Variants in FAT3 observed in about 807,000 individuals in gnomAD.
The protein encoded by FAT3 is FAT atypical cadherin 3, also known as protocadherin Fat 3.
Under a neutral mutation model 310.2 loss-of-function variants are expected in FAT3, and 95 were observed. The observed-to-expected ratio is 0.31, with a 90% CI of 0.26 to 0.36. The LOEUF is 0.36. FAT3 is among the 10% of genes least tolerant of loss of function. FAT3 has a pLI of 1.00. For missense variants in FAT3, 5,408 were observed against 5,715.6 expected, an observed-to-expected ratio of 0.95 and a Z score of 1.74; for synonymous variants, 2,314 against 2,192.9, an observed-to-expected ratio of 1.06 and a Z score of -1.54.
chr11:92,442,098 TATATATATATATA>T (rs1284718355), intron 2 of FAT3, among the ~76,000 whole-genome samples: 9 of 51,778 alleles, frequency 1.7e-4, no homozygotes, highest in African/African-American at 7.3e-4. Flanking sequence ...TATATATATA[TATATATATATATA>T]TTTTTTTTTT....
intron 3 of FAT3, among the ~76,000 whole-genome samples, chr11:92,567,604 C>T (rs1266925643): frequency 6.6e-6 from 1 of 151,708 alleles, no homozygotes; most frequent in African/African-American, 2.4e-5. Flanking sequence ...TATTGCGGCA[C>T]TATTCACAAT....
At chr11:92,530,902 G>GAAAA (rs11464368) in intron 3 of FAT3, among the ~76,000 whole-genome samples, 1 of 147,318 alleles carries the variant, frequency 6.8e-6, no homozygotes, top group Non-Finnish European at 1.5e-5. Flanking sequence ...GGGATTTAAA[G>GAAAA]AAAAAAAAAA....
At chr11:92,869,789 T>C (rs923515519) in intron 22 of FAT3, among the ~76,000 whole-genome samples, 3 of 152,162 alleles carry the variant, frequency 2.0e-5, no homozygotes, top group Non-Finnish European at 4.4e-5. Flanking sequence ...AAAAGAACAA[T>C]AAGACTGAGT....
chr11:92,384,190 A>G (rs1949566642), intron 2 of FAT3, among the ~76,000 whole-genome samples: 2 of 152,236 alleles, frequency 1.3e-5, no homozygotes, highest in African/African-American at 4.8e-5. Context: ...GGAGCAGTGC[A>G]GAGAGGGGCA....
intron 2 of FAT3, among the ~76,000 whole-genome samples, chr11:92,520,365 A>G (rs993901163): frequency 6.6e-6 from 1 of 152,128 alleles, no homozygotes; most frequent in African/African-American, 2.4e-5. Flanking sequence ...TGAAAATGAG[A>G]AAGAGGCTAC....
intron 3 of FAT3, among the ~76,000 whole-genome samples, chr11:92,570,109 C>A (rs746245487): frequency 6.6e-6 from 1 of 152,134 alleles, no homozygotes; most frequent in Non-Finnish European, 1.5e-5. Context: ...TGAGCAATGG[C>A]TGTTGAGTAA....
At chr11:92,344,579 T>C (rs1948359705) in intron 1 of FAT3, among the ~76,000 whole-genome samples, 1 of 152,132 alleles carries the variant, frequency 6.6e-6, no homozygotes, top group South Asian at 2.1e-4. Context: ...TTCCTGACTT[T>C]CATAAGAAAA....
At chr11:92,882,591 C>A (rs939955455) in intron 23 of FAT3, 147 bp from the exon 24 acceptor site, 5 of 551,012 alleles carry the variant, frequency 9.1e-6, no homozygotes, top group South Asian at 6.2e-5. Flanking sequence ...CCCCTCCCCC[C>A]CCCCACCAAC....
At chr11:92,482,986 T>G (rs1299742057) in intron 2 of FAT3, among the ~76,000 whole-genome samples, 3 of 152,166 alleles carry the variant, frequency 2.0e-5, no homozygotes, top group African/African-American at 7.2e-5. Flanking sequence ...GCAAGAAAAA[T>G]TACTGCATGT....
At chr11:92,702,546 C>A (rs919157467) in intron 4 of FAT3, among the ~76,000 whole-genome samples, 1 of 152,170 alleles carries the variant, frequency 6.6e-6, no homozygotes. Context: ...TGCTGGTAAC[C>A]TATTGCTTGC....
intron 13 of FAT3, among the ~76,000 whole-genome samples, chr11:92,825,984 A>G (rs1416129346): frequency 2.0e-5 from 3 of 152,188 alleles, no homozygotes; most frequent in African/African-American, 4.8e-5. Flanking sequence ...CCTCTAAACT[A>G]CTATGTCCAG....
chr11:92,884,521 A>C (rs1949755808), intron 24 of FAT3, among the ~76,000 whole-genome samples: 3 of 152,200 alleles, frequency 2.0e-5, no homozygotes, highest in Non-Finnish European at 4.4e-5. Context: ...GGTAGCCTAG[A>C]AGGCTATGGT....
chr11:92,564,608 C>A (rs1368140305), intron 3 of FAT3, among the ~76,000 whole-genome samples: 1 of 152,100 alleles, frequency 6.6e-6, no homozygotes, highest in South Asian at 2.1e-4. Flanking sequence ...CACACCACAC[C>A]TATTCCAAAA....
chr11:92,727,816 C>CTCCA (rs1254398796), intron 4 of FAT3, among the ~76,000 whole-genome samples: 3 of 152,234 alleles, frequency 2.0e-5, no homozygotes, highest in Admixed American at 6.5e-5. Flanking sequence ...TACCTGCAGG[C>CTCCA]TCCAGTCTTC....
In FAT3 at chr11:92,353,168, T is replaced by G; in HGVS notation, c.1056T>G (p.Ser352=). ...NLTLQAKDKG[S]PQKCSALKAV... is the part of the protein sequence containing the mutation. ...CTCTTCAAGCAAAAGACAAGGGATC[T>G]CCTCAAAAATGTTCAGCATTAAAGG... The change falls in exon 2 of 28, where the codon TCT becomes TCG. Residue 352 remains serine, a synonymous_variant. Coordinates refer to ENST00000525166, the MANE Select transcript of FAT3 (RefSeq NM_001367949.2). 2.5e-6 allele frequency: 4 copies of G among 1,613,644 alleles called. No homozygotes were observed. The highest frequency in any genetic ancestry group is 3.4e-6 in the Non-Finnish European group (4 of 1,179,840).
chr11:92,769,953 G>T (rs1183635907), intron 6 of FAT3, among the ~76,000 whole-genome samples: 2 of 152,194 alleles, frequency 1.3e-5, no homozygotes, highest in African/African-American at 4.8e-5. Context: ...ACTAGCAGCA[G>T]CCTTGTTCTT....
chr11:92,856,093 A>G (rs1189427912), intron 19 of FAT3, among the ~76,000 whole-genome samples: 3 of 151,398 alleles, frequency 2.0e-5, no homozygotes, highest in Non-Finnish European at 2.9e-5. Flanking sequence ...TGATCCTCCA[A>G]CCTTGGCCTC....
At chr11:92,778,924 T>G (rs1946667630) in intron 7 of FAT3, among the ~76,000 whole-genome samples, 1 of 152,166 alleles carries the variant, frequency 6.6e-6, no homozygotes, top group Non-Finnish European at 1.5e-5. Context: ...TTTGAGAATT[T>G]TTTTTAAAAA....
intron 2 of FAT3, chr11:92,400,563 T>C (rs1384301939): frequency 1.3e-5 from 2 of 152,120 alleles, no homozygotes; most frequent in African/African-American, 4.8e-5. Flanking sequence ...TCATTGCATA[T>C]TTGTGCATTA....
Sources: gnomAD v4.1 joint callset for allele counts (sites outside exome capture counted in the v4.1 genomes callset) on GRCh38, gnomAD v4.1.1 for gene constraint, MANE v1.5 for transcripts, NCBI Gene and HGNC (gene_info 2026-07-23, HGNC 2026-07-21) for gene names.